CNBD1: variants seen among roughly 807,000 people sequenced by gnomAD.
The protein encoded by CNBD1 is cyclic nucleotide-binding domain-containing protein 1.
Under a neutral mutation model 54.4 loss-of-function variants are expected in CNBD1, and 71 were observed. That is an observed-to-expected ratio of 1.30 (90% CI 1.08 to 1.59). The LOEUF (loss-of-function observed/expected upper bound fraction) is 1.59, where lower values mean the gene tolerates loss of function less well. Ranked by LOEUF, CNBD1 falls within the 40% of genes most tolerant of loss-of-function variation. The probability of loss-of-function intolerance (pLI) is 0.00; values close to 1 mark genes in which losing one functional copy is unlikely to be tolerated. For missense variants in CNBD1, 659 were observed against 518.0 expected, an observed-to-expected ratio of 1.27 and a Z score of -2.64; for synonymous variants, 182 against 170.7, an observed-to-expected ratio of 1.07 and a Z score of -0.51.
chr8:87,353,818 C>A (rs749838757), intron 10 of CNBD1, 32 bp downstream of exon 10: 1 of 1,515,704 alleles, frequency 6.6e-7, no homozygotes, highest in East Asian at 2.3e-5. Context: ...AACTGTTATA[C>A]CATTTTATTG....
At chr8:86,954,939 T>G (rs1257946668) in intron 4 of CNBD1, among the ~76,000 whole-genome samples, 2 of 152,114 alleles carry the variant, frequency 1.3e-5, no homozygotes, top group Non-Finnish European at 2.9e-5. Context: ...ACCCATTAAC[T>G]TGTCATTTAC....
At chr8:87,157,846 T>C (rs1245392944) in intron 4 of CNBD1, among the ~76,000 whole-genome samples, 6 of 152,162 alleles carry the variant, frequency 3.9e-5, no homozygotes, top group African/African-American at 1.4e-4. Flanking sequence ...ATGTTTGGCA[T>C]GGATAAATAG....
intron 4 of CNBD1, among the ~76,000 whole-genome samples, chr8:87,124,166 T>C (rs146401488): frequency 8.0e-4 from 122 of 151,718 alleles, no homozygotes; most frequent in African/African-American, 2.9e-3. Flanking sequence ...ACAAGGACAC[T>C]ACAAGAAAAA....
intron 8 of CNBD1, among the ~76,000 whole-genome samples, chr8:87,312,513 G>A (rs1383967697): frequency 6.6e-6 from 1 of 152,018 alleles, no homozygotes; most frequent in Admixed American, 6.6e-5. Context: ...ATATAGTGGG[G>A]TTTGACATTG....
intron 5 of CNBD1, among the ~76,000 whole-genome samples, chr8:87,214,689 C>T (rs959833376): frequency 6.6e-6 from 1 of 152,176 alleles, no homozygotes; most frequent in East Asian, 1.9e-4. Context: ...TTCCATGTGA[C>T]TAGCGAGGCC....
intron 4 of CNBD1, among the ~76,000 whole-genome samples, chr8:87,102,095 A>G (rs1411601743): frequency 6.6e-6 from 1 of 151,814 alleles, no homozygotes; most frequent in Non-Finnish European, 1.5e-5. Flanking sequence ...CACTATGTTA[A>G]CCAGGATGGT....
chr8:87,118,563 G>A lies in CNBD1; in HGVS notation c.432-87430G>A, dbSNP rs569607596. On this transcript the variant is annotated intron_variant, in intron 4 of 10. Coordinates refer to ENST00000518476, the MANE Select transcript of CNBD1 (RefSeq NM_173538.3). ...AGAGCAGGTTTAGTCAGTTTCTAGC[G>A]AGAGCAAAGAGGTTAGTAGGTAGCT... 3.3e-5 allele frequency among the ~76,000 whole-genome samples: 5 copies of A among 152,256 alleles called. No homozygotes were observed. The South Asian group carries it at 1.0e-3, about 32-fold the overall frequency.
chr8:87,167,701 T>A, intron 4 of CNBD1, among the ~76,000 whole-genome samples: 1 of 151,992 alleles, frequency 6.6e-6, no homozygotes, highest in East Asian at 1.9e-4. Context: ...ATACTCATGT[T>A]TTTTTATTAT....
At chr8:87,386,336 ACCCATG>A (rs1811187113), downstream of CNBD1, among the ~76,000 whole-genome samples, 1 of 152,110 alleles carries the variant, frequency 6.6e-6, no homozygotes, top group African/African-American at 2.4e-5. Flanking sequence ...GGAAGTTCGA[ACCCATG>A]GCAAAGAAGT....
intron 6 of CNBD1, among the ~76,000 whole-genome samples, chr8:87,241,438 T>C (rs1807704086): frequency 6.7e-6 from 1 of 148,908 alleles, no homozygotes; most frequent in South Asian, 2.2e-4. Flanking sequence ...GCCTGGCTAA[T>C]TTTTTTTGTA....
intron 8 of CNBD1, among the ~76,000 whole-genome samples, chr8:87,295,589 C>A (rs1808863202): frequency 1.3e-5 from 2 of 152,024 alleles, no homozygotes; most frequent in African/African-American, 2.4e-5. Flanking sequence ...TCATCAGTAA[C>A]CCAGGCAACT....
chr8:87,383,394 T>A (rs1371317911), downstream of CNBD1, among the ~76,000 whole-genome samples: 1 of 152,126 alleles, frequency 6.6e-6, no homozygotes, highest in Non-Finnish European at 1.5e-5. Context: ...CTACCATGTG[T>A]CTGACACAAT....
intron 4 of CNBD1, among the ~76,000 whole-genome samples, chr8:87,188,765 A>T (rs1039010298): frequency 3.4e-5 from 5 of 147,614 alleles, no homozygotes; most frequent in African/African-American, 1.3e-4. Flanking sequence ...AAAAAAAAAT[A>T]AAAATAAAAA....
At chr8:87,304,461 G>A (rs1327395810) in intron 8 of CNBD1, among the ~76,000 whole-genome samples, 1 of 151,616 alleles carries the variant, frequency 6.6e-6, no homozygotes, top group Non-Finnish European at 1.5e-5. Context: ...ACAGGAAGGG[G>A]AACATCACAC....
intron 2 of CNBD1, among the ~76,000 whole-genome samples, chr8:87,393,984 A>T (rs537047959): frequency 6.6e-6 from 1 of 151,806 alleles, no homozygotes; most frequent in Non-Finnish European, 1.5e-5. Flanking sequence ...TTACTTGAGT[A>T]AATGACCAGT....
At chr8:87,194,154 A>C (rs1431765) in intron 4 of CNBD1, among the ~76,000 whole-genome samples, 76,809 of 151,976 alleles carry the variant, frequency 0.51, 19,937 homozygotes, top group Admixed American at 0.56. Context: ...TTGAATCATC[A>C]CAAAAAATGG....
Position 87,046,154 on chromosome 8 carries a change from ATTG to A in CNBD1, c.431+106408_431+106410del, listed in dbSNP as rs1810186139. On this transcript the variant is annotated intron_variant, in intron 4 of 10. Transcript: ENST00000518476. Reference sequence around the variant, plus strand: ...ACCACTGCGGCTAGAGAGTTTATGGATTGTTGTTGTGCCTCTTTGGCTCCTACT... The same window carrying A: ...ACCACTGCGGCTAGAGAGTTTATGGATTGTTGTGCCTCTTTGGCTCCTACT... 2.0e-5 allele frequency among the ~76,000 whole-genome samples: 3 copies of A among 150,584 alleles called. No homozygotes were observed. The Admixed American group carries it at 2.0e-4, about 10-fold the overall frequency.
intron 8 of CNBD1, among the ~76,000 whole-genome samples, chr8:87,311,976 A>G (rs1177800225): frequency 6.6e-6 from 1 of 151,980 alleles, no homozygotes; most frequent in Non-Finnish European, 1.5e-5. Flanking sequence ...GCAAGGATTG[A>G]AAAACTAACT....
At chr8:87,308,891 T>G (rs923074054) in intron 8 of CNBD1, among the ~76,000 whole-genome samples, 1 of 152,170 alleles carries the variant, frequency 6.6e-6, no homozygotes, top group Non-Finnish European at 1.5e-5. Context: ...GACCTCTAAT[T>G]TTATCCATGT....
Sources: gnomAD v4.1 joint callset for allele counts (sites outside exome capture counted in the v4.1 genomes callset) on GRCh38, gnomAD v4.1.1 for gene constraint, MANE v1.5 for transcripts, NCBI Gene and HGNC (gene_info 2026-07-23, HGNC 2026-07-21) for gene names.